Variants in ZNF827 observed in about 807,000 individuals in gnomAD.
ZNF827 encodes the protein zinc finger protein 827.
In ZNF827, 13 loss-of-function variants were observed where a neutral mutation model predicts 102.4. That is an observed-to-expected ratio of 0.13 (90% CI 0.08 to 0.20). The LOEUF is 0.20. ZNF827 is among the 10% of genes least tolerant of loss of function. The pLI is 1.00. For missense variants in ZNF827, 1,103 were observed against 1,344.4 expected, an observed-to-expected ratio of 0.82 and a Z score of 2.81; for synonymous variants, 523 against 536.2, an observed-to-expected ratio of 0.98 and a Z score of 0.34.
Position 145,760,827 on chromosome 4 carries a change from G to C in ZNF827, c.*789C>G, listed in dbSNP as rs1270541203. The C allele has an allele frequency of 1.7e-6, 2 of 1,199,720 alleles. No individual in the cohort carries two copies. The highest frequency in any genetic ancestry group is 3.2e-5 in the African/African-American group (2 of 62,694). 74.3% of individuals were successfully genotyped at this position (1,199,720 alleles called of 1,614,324 possible). ...TCAGTCCGAGATAGGCCAGGAAGGA[G>C]TGTTTGGGTGAGGGGATGCTGGGAG... On this transcript the variant is annotated 3_prime_UTR_variant, in exon 15 of 15. Transcript: ENST00000508784.
At position 145,760,745 on chromosome 4, in the gene ZNF827, GTCTC is replaced by G. The variant is rs1734365205; in HGVS notation, c.*867_*870del. On this transcript the variant is annotated 3_prime_UTR_variant, in exon 15 of 15. Transcript: ENST00000508784. The stretch of plus-strand genomic sequence containing the variant: ...GTTTTTTTTTTTTTTTTTGTCTTTT[GTCTC>G]TCTGTTTTTGGTACAGAACATGGCT... 11 of 416,174 alleles carry G rather than the reference GTCTC, an allele frequency of 2.6e-5. No homozygotes were observed. The South Asian group carries it at 9.5e-4, about 36-fold the overall frequency. The allele number at this position is 416,174 out of a possible 1,614,324, so 25.8% of individuals were successfully genotyped here.
rs1751491009 is a variant in ZNF827, at chr4:145,902,353, A to T, written c.906T>A (p.Leu302=). The T allele has an allele frequency of 6.2e-7, 1 of 1,608,600 alleles. No individual in the cohort carries two copies. Reference sequence around the variant, plus strand: ...GCAGCAGCGATGATTTCTCAGCCAGAAGACTGCCCGCAGCCCTTGCGGCCA... The same window carrying T: ...GCAGCAGCGATGATTTCTCAGCCAGTAGACTGCCCGCAGCCCTTGCGGCCA... The part of the protein sequence containing the change: ...KEVAARAAGS[L]LAEKSSLLPE... Residue 302 remains leucine (L), a synonymous_variant, in exon 2 of 15, where the codon CTT becomes CTA. Transcript: ENST00000508784. This position sits in a 1 kb window ranked among gnomAD's most constrained non-coding sequence, Gnocchi z 4.3.
At chr4:145,798,686 A>C (rs1377356333) in intron 8 of ZNF827, among the ~76,000 whole-genome samples, 1 of 152,130 alleles carries the variant, frequency 6.6e-6, no homozygotes, top group Non-Finnish European at 1.5e-5. Context: ...AATAACAACA[A>C]TAATAATAAT....
chr4:145,805,434 T>C (rs1014171046), intron 8 of ZNF827, among the ~76,000 whole-genome samples: 2 of 152,074 alleles, frequency 1.3e-5, no homozygotes, highest in Non-Finnish European at 2.9e-5. Context: ...GATAACTTAA[T>C]GAGAAAAATA....
intron 5 of ZNF827, among the ~76,000 whole-genome samples, chr4:145,854,991 CG>C (rs1478560635): frequency 1.3e-5 from 2 of 152,196 alleles, no homozygotes; most frequent in Non-Finnish European, 2.9e-5. Context: ...GGGCATGGCG[CG>C]TTGAGCAAGC....
At chr4:145,839,769 C>T (rs190299269) in intron 7 of ZNF827, among the ~76,000 whole-genome samples, 1 of 152,314 alleles carries the variant, frequency 6.6e-6, no homozygotes, top group African/African-American at 2.4e-5. Context: ...CAGAGACTTA[C>T]CAATTTACAC....
At chr4:145,814,997 C>T (rs986026536) in intron 8 of ZNF827, among the ~76,000 whole-genome samples, 3 of 152,058 alleles carry the variant, frequency 2.0e-5, no homozygotes, top group Non-Finnish European at 4.4e-5. Flanking sequence ...TCTCACAATC[C>T]GCTTCTGGGG....
chr4:145,869,919 T>C (rs1417022724), intron 5 of ZNF827, among the ~76,000 whole-genome samples: 1 of 152,180 alleles, frequency 6.6e-6, no homozygotes, highest in Non-Finnish European at 1.5e-5. Context: ...GATATTTTGA[T>C]CAATTAGCAG....
intron 4 of ZNF827, among the ~76,000 whole-genome samples, chr4:145,885,070 A>T (rs1749992935): frequency 6.6e-6 from 1 of 152,104 alleles, no homozygotes; most frequent in South Asian, 2.1e-4. Flanking sequence ...ATGTCATTGA[A>T]CTGTGCACCT....
At chr4:145,852,540 A>T (rs1215194980) in intron 5 of ZNF827, among the ~76,000 whole-genome samples, 1 of 152,202 alleles carries the variant, frequency 6.6e-6, no homozygotes, top group Non-Finnish European at 1.5e-5. Flanking sequence ...TAATACAGTA[A>T]ATATCACAGT....
At chr4:145,803,839 C>A (rs1741153521) in intron 8 of ZNF827, among the ~76,000 whole-genome samples, 1 of 152,146 alleles carries the variant, frequency 6.6e-6, no homozygotes, top group African/African-American at 2.4e-5. Context: ...GTGTGCTAAC[C>A]ACACCAGATC....
intron 9 of ZNF827, among the ~76,000 whole-genome samples, chr4:145,778,425 C>T (rs554622587): frequency 3.3e-5 from 5 of 152,282 alleles, no homozygotes; most frequent in East Asian, 1.9e-4. Flanking sequence ...TGAGCCATCG[C>T]GCCCGACAAC....
At chr4:145,866,454 A>C in intron 5 of ZNF827, among the ~76,000 whole-genome samples, 1 of 152,230 alleles carries the variant, frequency 6.6e-6, no homozygotes, top group East Asian at 1.9e-4. Context: ...CTATACAAGA[A>C]GCAATTGTAA....
At chr4:145,899,335 T>A (rs900653427) in intron 2 of ZNF827, among the ~76,000 whole-genome samples, 32 of 151,714 alleles carry the variant, frequency 2.1e-4, no homozygotes, top group African/African-American at 7.5e-4. Flanking sequence ...GAAAAGGGAG[T>A]TGGGGAGGGT....
At chr4:145,776,452 C>A in intron 9 of ZNF827, among the ~76,000 whole-genome samples, 1 of 146,300 alleles carries the variant, frequency 6.8e-6, no homozygotes, top group Non-Finnish European at 1.5e-5. Context: ...CGGAGATAAA[C>A]CTTGTTTCAA....
chr4:145,905,983 T>C (rs890755090), intron 1 of ZNF827, among the ~76,000 whole-genome samples: 1 of 152,190 alleles, frequency 6.6e-6, no homozygotes, highest in Admixed American at 6.5e-5. Context: ...ACTAATGCAG[T>C]AGGGTCACCT....
At chr4:145,923,264 G>A (rs1753202454) in intron 1 of ZNF827, among the ~76,000 whole-genome samples, 1 of 151,986 alleles carries the variant, frequency 6.6e-6, no homozygotes, top group Admixed American at 6.6e-5. Context: ...ATTACATATT[G>A]GTGTGAAGTC....
In ZNF827 at chr4:145,880,022, G is replaced by C. The variant is rs1271083105; in HGVS notation, c.1747+5656C>G. On this transcript the variant is annotated intron_variant, in intron 4 of 14. Coordinates refer to ENST00000508784, the MANE Select transcript of ZNF827 (RefSeq NM_001306215.2). ...GAGGCCGAGGCAGCCAGATCACGAG[G>C]TCAGGAGTTCAAGACCAGCCTGGCC... Among the ~76,000 whole-genome samples the C allele has an allele frequency of 2.0e-5, 3 of 152,122 alleles. No homozygotes were observed. In the East Asian group the frequency reaches 5.8e-4, roughly 29 times the overall value.
intron 1 of ZNF827, among the ~76,000 whole-genome samples, chr4:145,914,970 G>C (rs1455235811): frequency 6.6e-6 from 1 of 152,166 alleles, no homozygotes; most frequent in African/African-American, 2.4e-5. Flanking sequence ...AGCTGATTTC[G>C]TGTTGCTAAA....
Sources: gnomAD v4.1 joint callset for allele counts (sites outside exome capture counted in the v4.1 genomes callset) on GRCh38, gnomAD v4.1.1 for gene constraint, Gnocchi (gnomAD v3.1) non-coding constraint, MANE v1.5 for transcripts, NCBI Gene and HGNC (gene_info 2026-07-23, HGNC 2026-07-21) for gene names.